The following PITPNM3 variants were observed in gnomAD, a reference collection of about 807,000 sequenced individuals.
PITPNM3 encodes the protein membrane-associated phosphatidylinositol transfer protein 3.
A neutral mutation model predicts 102.0 loss-of-function variants in PITPNM3; 26 were observed. The observed-to-expected ratio is 0.25, with a 90% confidence interval of 0.19 to 0.35. PITPNM3 has a LOEUF of 0.35. Among genes scored for constraint, PITPNM3 ranks in the 10% least tolerant of loss-of-function variants. The pLI, the probability that PITPNM3 is intolerant of heterozygous loss-of-function variation, is 1.00. For synonymous variants in PITPNM3, 578 were observed against 558.6 expected, an observed-to-expected ratio of 1.03 and a Z score of -0.49; for missense variants, 1,083 against 1,346.1, an observed-to-expected ratio of 0.80 and a Z score of 3.06.
chr17:6,553,548 C>T (rs1910432095), intron 1 of PITPNM3, among the ~76,000 whole-genome samples: 1 of 152,196 alleles, frequency 6.6e-6, no homozygotes, highest in Non-Finnish European at 1.5e-5. Context: ...TTCACTAGAC[C>T]ACACGTGATG....
chr17:6,471,568 C>A (rs1286767792), intron 11 of PITPNM3, among the ~76,000 whole-genome samples: 2 of 152,226 alleles, frequency 1.3e-5, no homozygotes, highest in Non-Finnish European at 2.9e-5. Context: ...CCGCATATTG[C>A]CGCATTTACC....
chr17:6,486,556 A>G lies in PITPNM3; in HGVS notation c.275-2264T>C, dbSNP rs372965483. 7.9e-5 allele frequency among the ~76,000 whole-genome samples: 12 copies of G among 152,330 alleles called. No homozygotes were observed. In the South Asian group the frequency reaches 2.3e-3, roughly 29 times the overall value. ...ATCCCAGTCAAAGGGTAACTGCTTTATGAGCTCCGAGCTACTGCCCACACA... is the reference window on the plus strand; with the variant it reads ...ATCCCAGTCAAAGGGTAACTGCTTTGTGAGCTCCGAGCTACTGCCCACACA... On this transcript the variant is annotated intron_variant, in intron 4 of 19. Transcript: ENST00000262483.
chr17:6,508,224 C>G (rs967934983), intron 3 of PITPNM3, among the ~76,000 whole-genome samples: 1 of 152,232 alleles, frequency 6.6e-6, no homozygotes, highest in Non-Finnish European at 1.5e-5. Context: ...CGGGACCAAG[C>G]TCTGGGACTC....
intron 3 of PITPNM3, among the ~76,000 whole-genome samples, chr17:6,505,654 G>A (rs1467217547): frequency 2.6e-5 from 4 of 152,222 alleles, no homozygotes; most frequent in Non-Finnish European, 4.4e-5. Context: ...AAACTCTGGC[G>A]TCCCTAAGAA....
chr17:6,547,299 C>T (rs1910077015), intron 1 of PITPNM3, among the ~76,000 whole-genome samples: 1 of 152,140 alleles, frequency 6.6e-6, no homozygotes, highest in South Asian at 2.1e-4. Flanking sequence ...ATAAATATGC[C>T]ATTTAAATAC....
Position 6,478,879 on chromosome 17 carries a change from G to C in PITPNM3, c.588-143C>G, listed in dbSNP as rs573798390. 1.6e-5 allele frequency: 12 copies of C among 760,936 alleles called. No homozygotes were observed. Among genetic ancestry groups the C allele is most frequent in the Non-Finnish European group, 2.3e-5 (11 of 479,362 alleles). 47.1% of individuals were successfully genotyped at this position (760,936 alleles called of 1,614,324 possible). On this transcript the variant is annotated intron_variant, in intron 6 of 19. Coordinates refer to ENST00000262483, the MANE Select transcript of PITPNM3 (RefSeq NM_031220.4). The surrounding 1 kb of genome is among the most constrained non-coding windows in gnomAD (Gnocchi z 4.4). ...TCAGGAAGACCCAGGCAGGAGCCTG[G>C]TGACACAGAGCACAGGCAGTGTGGG... is the stretch of plus-strand genomic sequence containing the variant.
Position 6,537,908 on chromosome 17 carries a change from G to T in PITPNM3, c.118+79C>A, listed in dbSNP as rs187908055. Reference sequence around the variant, plus strand: ...ACCACGTCTGAGTGGGGAGGGATGCGGACCCCCAAATGGGATCTTCTTCTT... The same window carrying T: ...ACCACGTCTGAGTGGGGAGGGATGCTGACCCCCAAATGGGATCTTCTTCTT... On this transcript the variant is annotated intron_variant, in intron 2 of 19. Transcript: ENST00000262483. This position sits in a 1 kb window ranked among gnomAD's most constrained non-coding sequence, Gnocchi z 4.4. 4.5e-5 allele frequency: 54 copies of T among 1,204,548 alleles called. No individual in the cohort carries two copies. Among genetic ancestry groups the T allele is most frequent in the Non-Finnish European group, 6.4e-5 (53 of 822,394 alleles). The allele number at this position is 1,204,548 out of a possible 1,614,324, so 74.6% of individuals were successfully genotyped here. A position where few individuals can be genotyped will look rare whatever the true frequency, so the allele number is the denominator to read the frequency against.
intron 2 of PITPNM3, among the ~76,000 whole-genome samples, chr17:6,528,734 C>G (rs1393755099): frequency 6.6e-6 from 1 of 152,168 alleles, no homozygotes; most frequent in Admixed American, 6.5e-5. Context: ...AACATGCTTT[C>G]TCTCCCACAC....
Position 6,478,219 on chromosome 17 carries a change from G to C in PITPNM3, c.778-122C>G, listed in dbSNP as rs1432205666. ...GAAACTCGTCCTTGGGAGGTGTTGA[G>C]AGAGCCCAACTGGGAAGCAGTGTGC... is the stretch of plus-strand genomic sequence containing the variant. On this transcript the variant is annotated intron_variant, in intron 7 of 19. Coordinates refer to ENST00000262483, the MANE Select transcript of PITPNM3 (RefSeq NM_031220.4). The surrounding 1 kb of genome is among the most constrained non-coding windows in gnomAD (Gnocchi z 4.4). The C allele has an allele frequency of 2.3e-5, 35 of 1,509,052 alleles. No individual in the cohort carries two copies. The highest frequency in any genetic ancestry group is 7.3e-5 in the Admixed American group (4 of 54,950). The allele number at this position is 1,509,052 out of a possible 1,614,324, so 93.5% of individuals were successfully genotyped here.
chr17:6,551,692 G>A (rs1481038131), intron 1 of PITPNM3, among the ~76,000 whole-genome samples: 1 of 151,882 alleles, frequency 6.6e-6, no homozygotes, highest in East Asian at 1.9e-4. Flanking sequence ...CCTGGGCAAC[G>A]TAATGAGACC....
chr17:6,488,556 C>T (rs1234790769), intron 4 of PITPNM3, among the ~76,000 whole-genome samples: 1 of 152,146 alleles, frequency 6.6e-6, no homozygotes, highest in Admixed American at 6.5e-5. Flanking sequence ...TGCACACATC[C>T]TGTGAGACAT....
Position 6,477,036 on chromosome 17 carries a change from G to A in PITPNM3, c.1078C>T (p.Leu360Phe). ...CEAITQHHAF[L>F]SSIHSSVLKD... ...TGGACAGGGAGGGGCTACCTTGAGA[G>A]GAAGGCATGGTGCTGGGTGATGGCC... The change falls in exon 9 of 20, where the codon CTC becomes TTC. Residue 360 changes from leucine to phenylalanine, a missense_variant. Transcript: ENST00000262483. The A allele has an allele frequency of 6.2e-7, 1 of 1,614,134 alleles. No individual in the cohort carries two copies. Among genetic ancestry groups the A allele is most frequent in the East Asian group, 2.2e-5 (1 of 44,878 alleles).
At chr17:6,522,286 G>GCGCGCACACACA (rs145090085) in intron 3 of PITPNM3, among the ~76,000 whole-genome samples, 41 of 149,316 alleles carry the variant, frequency 2.7e-4, no homozygotes, top group African/African-American at 9.4e-4. Context: ...TTTAGTGTGC[G>GCGCGCACACACA]CACACACACA....
rs931581246 is a variant in PITPNM3 at position 6,517,031 on chromosome 17, C to A, written c.226+8325G>T. Among the ~76,000 whole-genome samples, 1 of 152,076 alleles carries A rather than the reference C, an allele frequency of 6.6e-6. No homozygotes were observed. Among genetic ancestry groups the A allele is most frequent in the East Asian group, 1.9e-4 (1 of 5,194 alleles). The stretch of plus-strand genomic sequence containing the variant: ...GAATAGCTGCAGAGATAGTTGGGAA[C>A]GTGATAATGGAGGCAGATAAGCTCA... On this transcript the variant is annotated intron_variant, in intron 3 of 19. Coordinates refer to ENST00000262483, the MANE Select transcript of PITPNM3 (RefSeq NM_031220.4). The surrounding 1 kb of genome is among the most constrained non-coding windows in gnomAD (Gnocchi z 4.1).
chr17:6,528,543 G>C (rs1248384502), intron 2 of PITPNM3, among the ~76,000 whole-genome samples: 1 of 152,060 alleles, frequency 6.6e-6, no homozygotes, highest in African/African-American at 2.4e-5. Context: ...ATGCAAGTGA[G>C]TGTGTACATG....
intron 9 of PITPNM3, among the ~76,000 whole-genome samples, chr17:6,476,491 C>G (rs1233980303): frequency 6.6e-6 from 1 of 152,192 alleles, no homozygotes; most frequent in Non-Finnish European, 1.5e-5. Context: ...GTAGAGGAGC[C>G]TGCCTGGCCC....
At chr17:6,543,660 T>TG (rs1909852958) in intron 1 of PITPNM3, among the ~76,000 whole-genome samples, 2 of 152,180 alleles carry the variant, frequency 1.3e-5, no homozygotes, top group South Asian at 4.1e-4. Flanking sequence ...ATGCCAGCCC[T>TG]GGGGGCACAG....
chr17:6,543,225 C>G lies in PITPNM3; in HGVS notation c.23-5143G>C, dbSNP rs187591217. On this transcript the variant is annotated intron_variant, in intron 1 of 19. Coordinates refer to ENST00000262483, the MANE Select transcript of PITPNM3 (RefSeq NM_031220.4). ...GCCCCGATACCCACCACCTCAGGTC[C>G]AGGGTGGTCTCCTGGACCTTGTCAT... 1.3e-3 allele frequency among the ~76,000 whole-genome samples: 205 copies of G among 152,310 alleles called. 1 individual carries two copies. In the Middle Eastern group the frequency reaches 0.041, roughly 30 times the overall value.
chr17:6,460,841 A>G (rs528171189), intron 18 of PITPNM3: 3 of 176,340 alleles, frequency 1.7e-5, no homozygotes, highest in Admixed American at 1.7e-4. Flanking sequence ...CCCTCCCCAG[A>G]GTTTCTGATT....
Sources: gnomAD v4.1 joint callset for allele counts (sites outside exome capture counted in the v4.1 genomes callset) on GRCh38, gnomAD v4.1.1 for gene constraint, Gnocchi (gnomAD v3.1) non-coding constraint, MANE v1.5 for transcripts, NCBI Gene and HGNC (gene_info 2026-07-23, HGNC 2026-07-21) for gene names.